Variants in CSMD2 observed in about 807,000 individuals in gnomAD.
CSMD2 encodes CUB and Sushi multiple domains 2.
Under a neutral mutation model 398.5 loss-of-function variants are expected in CSMD2, and 130 were observed. The observed-to-expected ratio is 0.33, with a 90% CI of 0.28 to 0.38. The LOEUF (loss-of-function observed/expected upper bound fraction) is 0.38, where lower values mean the gene tolerates loss of function less well. Among genes scored for constraint, CSMD2 ranks in the 10% least tolerant of loss-of-function variants. The probability of loss-of-function intolerance (pLI) is 1.00; values close to 1 mark genes in which losing one functional copy is unlikely to be tolerated. For synonymous variants in CSMD2, 1,828 were observed against 1,908.5 expected, an observed-to-expected ratio of 0.96 and a Z score of 1.10; for missense variants, 3,829 against 4,764.9, an observed-to-expected ratio of 0.80 and a Z score of 5.78.
intron 49 of CSMD2, among the ~76,000 whole-genome samples, chr1:33,573,662 A>G (rs1454271912): frequency 6.6e-6 from 1 of 152,228 alleles, no homozygotes; most frequent in Non-Finnish European, 1.5e-5. Context: ...GACAGAAAAC[A>G]CGGATCAATC....
chr1:33,977,644 G>C (rs1292004511), intron 3 of CSMD2, among the ~76,000 whole-genome samples: 1 of 151,806 alleles, frequency 6.6e-6, no homozygotes, highest in African/African-American at 2.4e-5. Context: ...CAGGAGCACT[G>C]AGCTGTGCTC....
intron 7 of CSMD2, among the ~76,000 whole-genome samples, chr1:33,821,181 G>A (rs1027438623): frequency 3.9e-5 from 6 of 152,244 alleles, no homozygotes; most frequent in Middle Eastern, 3.4e-3. Context: ...CAAGGGCACC[G>A]GGCAGAGATG....
intron 13 of CSMD2, among the ~76,000 whole-genome samples, chr1:33,761,812 A>T (rs77231754): frequency 0.014 from 2,102 of 152,284 alleles, 24 homozygotes; most frequent in Non-Finnish European, 0.019. Context: ...GTACATTTGG[A>T]TTTTCTTCCA....
chr1:33,967,807 A>G (rs1645616404), intron 3 of CSMD2, among the ~76,000 whole-genome samples: 1 of 151,918 alleles, frequency 6.6e-6, no homozygotes. Flanking sequence ...CAGTCTGTGA[A>G]GAAGAACCTC....
At chr1:34,040,508 C>T (rs990828002) in intron 2 of CSMD2, among the ~76,000 whole-genome samples, 5 of 152,174 alleles carry the variant, frequency 3.3e-5, no homozygotes, top group African/African-American at 1.2e-4. Flanking sequence ...TAGATGAAAG[C>T]ACCCCAAGAG....
chr1:33,624,475 A>G lies in CSMD2; in HGVS notation c.5625+44T>C, dbSNP rs1232986656. The G allele has an allele frequency of 1.2e-6, 2 of 1,605,526 alleles. No individual in the cohort carries two copies. Among genetic ancestry groups the G allele is most frequent in the Non-Finnish European group, 1.7e-6 (2 of 1,175,458 alleles). Reference sequence around the variant, plus strand: ...TGTCACCTGTGAGCTGTTACCTGGGAGCAGACGGCCACCTGCCCGACCGAG... The same window carrying G: ...TGTCACCTGTGAGCTGTTACCTGGGGGCAGACGGCCACCTGCCCGACCGAG... On this transcript the variant is annotated intron_variant, in intron 35 of 70. Transcript: ENST00000373381. The surrounding 1 kb of genome is among the most constrained non-coding windows in gnomAD (Gnocchi z 4.7).
At chr1:33,524,472 T>C (rs1570614586) in intron 66 of CSMD2, among the ~76,000 whole-genome samples, 1 of 152,368 alleles carries the variant, frequency 6.6e-6, no homozygotes, top group Non-Finnish European at 1.5e-5. Context: ...CTAAGTGTTA[T>C]TGTTTAAAAA....
intron 23 of CSMD2, among the ~76,000 whole-genome samples, chr1:33,699,687 T>C (rs747216817): frequency 2.6e-5 from 4 of 152,220 alleles, no homozygotes; most frequent in Non-Finnish European, 4.4e-5. Flanking sequence ...GCTTTCTTTA[T>C]TGAGATACAA....
rs140218591 is a variant in CSMD2, at chr1:33,546,102, C to T, written c.9035G>A (p.Arg3012Gln). The T allele has an allele frequency of 8.7e-5, 140 of 1,614,040 alleles. 1 individual carries two copies. Among genetic ancestry groups the T allele is most frequent in the Middle Eastern group, 6.6e-4 (4 of 6,084 alleles). ...TTGACAGGTGCGCTCTGACGATCCC[C>T]GGAGCACGTGGCCAGCTTCACAGCT... Reference protein sequence around the residue: ...RFSCEAGHVLRGSSERTCQAN... With the variant: ...RFSCEAGHVLQGSSERTCQAN... Residue 3012 changes from arginine to glutamine, a missense_variant, in exon 57 of 71, where the codon CGG becomes CAG. Around this residue, in one of 5 missense-constraint regions of CSMD2, gnomAD observed 917 missense variants for 1,199.5 expected, o/e 0.76. Transcript: ENST00000373381.
At chr1:34,127,756 G>A (rs978045048) in intron 1 of CSMD2, among the ~76,000 whole-genome samples, 1 of 152,148 alleles carries the variant, frequency 6.6e-6, no homozygotes, top group African/African-American at 2.4e-5. Context: ...TCATAGTCCA[G>A]GTGGCAGGCC....
At chr1:34,037,732 TCTCCTA>T (rs1489736996) in intron 2 of CSMD2, among the ~76,000 whole-genome samples, 1 of 152,142 alleles carries the variant, frequency 6.6e-6, no homozygotes, top group Non-Finnish European at 1.5e-5. Flanking sequence ...CACCAGGCCT[TCTCCTA>T]TGAAGTCCTC....
At chr1:33,650,976 T>C (rs1428854950) in intron 28 of CSMD2, among the ~76,000 whole-genome samples, 1 of 152,204 alleles carries the variant, frequency 6.6e-6, no homozygotes, top group Non-Finnish European at 1.5e-5. Context: ...AGCATAATAT[T>C]TTTGGGACTC....
At chr1:33,699,403 G>A (rs909655729) in intron 23 of CSMD2, among the ~76,000 whole-genome samples, 3 of 152,176 alleles carry the variant, frequency 2.0e-5, no homozygotes, top group African/African-American at 7.2e-5. Context: ...ACTCTACGGC[G>A]CTATACATGT....
chr1:33,786,154 G>A (rs1447507645), intron 12 of CSMD2, among the ~76,000 whole-genome samples: 3 of 152,052 alleles, frequency 2.0e-5, no homozygotes, highest in Non-Finnish European at 2.9e-5. Flanking sequence ...TTTAGTCAAT[G>A]GCTCTACCCC....
chr1:33,792,159 C>G (rs144461652), intron 11 of CSMD2, among the ~76,000 whole-genome samples: 1,808 of 152,260 alleles, frequency 0.012, 32 homozygotes, highest in African/African-American at 0.04. Flanking sequence ...CAGGTTCATC[C>G]ACAAAACCTC....
chr1:34,109,762 A>G (rs1376377247), intron 1 of CSMD2, among the ~76,000 whole-genome samples: 2 of 152,106 alleles, frequency 1.3e-5, no homozygotes, highest in Non-Finnish European at 2.9e-5. Flanking sequence ...TATATGAGCC[A>G]GGCACGGTGG....
chr1:33,727,718 C>T (rs984210950), intron 15 of CSMD2, among the ~76,000 whole-genome samples: 1 of 152,186 alleles, frequency 6.6e-6, no homozygotes, highest in Non-Finnish European at 1.5e-5. Flanking sequence ...AAGGAGCAGA[C>T]ATCCCTGATG....
At chr1:33,802,471 T>A (rs991737431) in intron 10 of CSMD2, among the ~76,000 whole-genome samples, 6 of 152,176 alleles carry the variant, frequency 3.9e-5, no homozygotes, top group African/African-American at 9.7e-5. Context: ...CACCACAGCA[T>A]CCCTGCTTCT....
At position 33,677,765 on chromosome 1, in the gene CSMD2, A is replaced by T. The variant is rs1362792556; in HGVS notation, c.4053-14673T>A. On this transcript the variant is annotated intron_variant, in intron 25 of 70. Transcript: ENST00000373381. ...AAATGTGGCACATATACACCATGGAATACTATGCAGCCATAAAAAATGGTG... is the reference window on the plus strand; with the variant it reads ...AAATGTGGCACATATACACCATGGATTACTATGCAGCCATAAAAAATGGTG... Among the ~76,000 whole-genome samples, 3 of 152,026 alleles carry T rather than the reference A, an allele frequency of 2.0e-5. No individual in the cohort carries two copies. The East Asian group carries it at 5.8e-4, about 29-fold the overall frequency.
Sources: allele counts gnomAD v4.1 joint callset (sites outside exome capture counted in the v4.1 genomes callset), GRCh38; gene constraint gnomAD v4.1.1; regional missense constraint gnomAD v4.1.1; non-coding constraint Gnocchi (gnomAD v3.1); transcripts MANE v1.5; gene names NCBI Gene and HGNC (gene_info 2026-07-23, HGNC 2026-07-21).